KIR3DL1: variants seen among roughly 807,000 people sequenced by gnomAD.
KIR3DL1 encodes the protein killer cell immunoglobulin like receptor, three Ig domains and long cytoplasmic tail 1.
A neutral mutation model predicts 40.3 loss-of-function variants in KIR3DL1; 50 were observed. That is an observed-to-expected ratio of 1.24 (90% CI 0.99 to 1.57). The LOEUF (loss-of-function observed/expected upper bound fraction) is 1.57, where lower values mean the gene tolerates loss of function less well. Ranked by LOEUF, KIR3DL1 falls within the 40% of genes most tolerant of loss-of-function variation. The probability of loss-of-function intolerance (pLI) is 0.00; values close to 1 mark genes in which losing one functional copy is unlikely to be tolerated. For missense variants in KIR3DL1, 661 were observed against 559.9 expected, an observed-to-expected ratio of 1.18 and a Z score of -1.82; for synonymous variants, 257 against 207.2, an observed-to-expected ratio of 1.24 and a Z score of -2.07.
At position 54,822,845 on chromosome 19, in the gene KIR3DL1, T is replaced by C. The variant is rs35668498; in HGVS notation, c.949+987T>C. On this transcript the variant is annotated intron_variant, in intron 5 of 8. Transcript: ENST00000391728. ...GTTTCTATGGATGAGTAGTCTCCACTGTGTGTGTGTACCACAGTTCTCTAT... is the reference window on the plus strand; with the variant it reads ...GTTTCTATGGATGAGTAGTCTCCACCGTGTGTGTGTACCACAGTTCTCTAT... 1.2e-3 allele frequency among the ~76,000 whole-genome samples: 151 copies of C among 130,218 alleles called. 1 individual carries two copies. The highest frequency in any genetic ancestry group is 1.8e-3 in the East Asian group (8 of 4,538). 85.4% of individuals were successfully genotyped at this position (130,218 alleles called of 152,430 possible).
At chr19:54,818,692 C>G (rs1310747022) in intron 3 of KIR3DL1, 93 bp downstream of exon 3, 9 of 1,500,696 alleles carry the variant, frequency 6.0e-6, no homozygotes, top group East Asian at 4.5e-5. Context: ...ATCACCCAGG[C>G]CCTGACTGTA....
At chr19:54,819,608 G>C in intron 3 of KIR3DL1, 105 bp from the exon 4 acceptor site, 1 of 1,335,220 alleles carries the variant, frequency 7.5e-7, no homozygotes, top group Non-Finnish European at 1.0e-6. Flanking sequence ...ATGCAGAGAG[G>C]GAGGAGAGAG....
chr19:54,816,512 G>A (rs763631163), exon 1 of KIR3DL1: 3 of 1,607,648 alleles, frequency 1.9e-6, no homozygotes, highest in East Asian at 2.2e-5. Flanking sequence ...TGTCGCTCAT[G>A]GTCGTCAGCA....
At chr19:54,816,822 A>G (rs1445092154) in intron 1 of KIR3DL1, among the ~76,000 whole-genome samples, 2 of 66,076 alleles carry the variant, frequency 3.0e-5, no homozygotes, top group African/African-American at 7.4e-5. Flanking sequence ...ATGGGCCTGG[A>G]GGGGAGATGT....
chr19:54,816,666 C>T, intron 1 of KIR3DL1, 132 bp downstream of exon 1: 2 of 1,390,072 alleles, frequency 1.4e-6, no homozygotes, highest in Admixed American at 2.0e-5. Flanking sequence ...AGATCTGGGC[C>T]TGGAGTGGAG....
At chr19:54,827,498 G>GCTC (rs1025354142) in intron 6 of KIR3DL1, among the ~76,000 whole-genome samples, 6 of 150,654 alleles carry the variant, frequency 4.0e-5, no homozygotes, top group Admixed American at 2.6e-4. Flanking sequence ...TGTAATCCCA[G>GCTC]CTCCTGCTCT....
chr19:54,818,929 T>A (rs1453020372), intron 3 of KIR3DL1, among the ~76,000 whole-genome samples: 1 of 149,774 alleles, frequency 6.7e-6, no homozygotes, highest in African/African-American at 2.5e-5. Context: ...AGGGTCCACA[T>A]GAGAGGTGGA....
chr19:54,818,233 A>C, intron 2 of KIR3DL1, 82 bp from the exon 3 acceptor site: 15 of 1,483,806 alleles, frequency 1.0e-5, no homozygotes, highest in Non-Finnish European at 1.4e-5. Context: ...AGAAAGTGGA[A>C]ATGGGGAGAA....
rs984592565 is a variant in KIR3DL1 at position 54,830,178 on chromosome 19, G to A, written c.1238G>A (p.Arg413His). 87 of 1,522,026 alleles carry A rather than the reference G, an allele frequency of 5.7e-5. 17 individuals carry two copies. Among genetic ancestry groups the A allele is most frequent in the Non-Finnish European group, 7.0e-5 (79 of 1,121,720 alleles). The allele number at this position is 1,522,026 out of a possible 1,614,324, so 94.3% of individuals were successfully genotyped here. Reference sequence around the variant, plus strand: ...GTTTTCACACAGAGAAAAATCACTCGCCCTTCTCAGAGGCCCAAGACACCC... The same window carrying A: ...GTTTTCACACAGAGAAAAATCACTCACCCTTCTCAGAGGCCCAAGACACCC... The change falls in exon 9 of 9, where the codon CGC becomes CAC. Residue 413 changes from arginine (R) to histidine (H), a missense_variant. By Grantham distance (29) the Arg-to-His change is conservative. Transcript: ENST00000391728.
At chr19:54,824,105 C>T (rs1198572264) in intron 5 of KIR3DL1, among the ~76,000 whole-genome samples, 2 of 151,378 alleles carry the variant, frequency 1.3e-5, no homozygotes, top group African/African-American at 4.9e-5. Context: ...TTGATGTAAT[C>T]CTAATGGTCT....
At chr19:54,822,368 T>C (rs1050572420) in intron 5 of KIR3DL1, among the ~76,000 whole-genome samples, 1 of 151,410 alleles carries the variant, frequency 6.6e-6, no homozygotes, top group African/African-American at 2.4e-5. Flanking sequence ...TTCACGGTTG[T>C]AATCTCGGCG....
At chr19:54,824,269 T>C (rs2061775213) in intron 5 of KIR3DL1, among the ~76,000 whole-genome samples, 1 of 151,536 alleles carries the variant, frequency 6.6e-6, no homozygotes, top group Non-Finnish European at 1.5e-5. Context: ...TTGTGTATGG[T>C]GACAGGTATA....
intron 6 of KIR3DL1, among the ~76,000 whole-genome samples, chr19:54,827,797 A>G (rs898745112): frequency 6.6e-6 from 1 of 150,604 alleles, no homozygotes; most frequent in African/African-American, 2.5e-5. Flanking sequence ...GAGATCATAT[A>G]GAAAATGTGA....
chr19:54,826,433 C>G (rs62124140), intron 6 of KIR3DL1, among the ~76,000 whole-genome samples: 18,681 of 114,820 alleles, frequency 0.16, 288 homozygotes, highest in Non-Finnish European at 0.18. Flanking sequence ...TCCTGCCTCA[C>G]CCTCTCGAGT....
At chr19:54,816,650 A>AAGTGGAGAGCTGGGCCTGG in intron 1 of KIR3DL1, 116 bp downstream of exon 1, 1 of 1,156,766 alleles carries the variant, frequency 8.6e-7, no homozygotes. Flanking sequence ...TATGGGCCTG[A>AAGTGGAGAGCTGGGCCTGG]AGTGGAGATC....
Position 54,829,283 on chromosome 19 carries a change from T to A in KIR3DL1, c.1001-78T>A, listed in dbSNP as rs1483309850. 1.0e-5 allele frequency: 12 copies of A among 1,205,854 alleles called. 2 individuals carry two copies. Among genetic ancestry groups the A allele is most frequent in the Admixed American group, 9.4e-5 (5 of 52,970 alleles). The allele number at this position is 1,205,854 out of a possible 1,614,324, so 74.7% of individuals were successfully genotyped here. ...AAGAGATGCTGTAAGTGGTTACCTG[T>A]CAATCAAGAAATGCAAGACAATTCA... On this transcript the variant is annotated intron_variant, in intron 6 of 8. Coordinates refer to ENST00000391728, the Ensembl canonical transcript of KIR3DL1.
intron 6 of KIR3DL1, among the ~76,000 whole-genome samples, chr19:54,828,075 C>A (rs1374925826): frequency 6.6e-6 from 1 of 150,436 alleles, no homozygotes; most frequent in Admixed American, 6.6e-5. Flanking sequence ...AATAGATAGT[C>A]GAGGGGGTGG....
At chr19:54,828,520 G>C (rs1353395346) in intron 6 of KIR3DL1, among the ~76,000 whole-genome samples, 1 of 151,044 alleles carries the variant, frequency 6.6e-6, no homozygotes, top group Non-Finnish European at 1.5e-5. Flanking sequence ...AGTTCCCCAA[G>C]GCTCAGAAAA....
chr19:54,821,773 AG>A lies in KIR3DL1; in HGVS notation c.867del (p.Thr290ProfsTer53). The stretch of plus-strand genomic sequence containing the variant: ...TCCCTCTGGGCCCTGCCACCCACGG[AG>A]GGACCTACAGATGCTTCGGCTCTTT... On this transcript the variant is annotated frameshift_variant, in exon 5 of 9. Coordinates refer to ENST00000391728, the Ensembl canonical transcript of KIR3DL1. LOFTEE classifies it high-confidence loss of function. The A allele has an allele frequency of 6.2e-7, 1 of 1,607,558 alleles. No homozygotes were observed. The highest frequency in any genetic ancestry group is 1.1e-5 in the South Asian group (1 of 90,648).
Sources: gnomAD v4.1 joint callset for allele counts (sites outside exome capture counted in the v4.1 genomes callset) on GRCh38, gnomAD v4.1.1 for gene constraint, MANE v1.5 for transcripts, NCBI Gene and HGNC (gene_info 2026-07-23, HGNC 2026-07-21) for gene names.